Variants in FRAS1 observed in about 807,000 individuals in gnomAD.
The protein encoded by FRAS1 is Fraser extracellular matrix complex subunit 1.
FRAS1 carries 290 observed loss-of-function variants against 435.2 expected under a neutral mutation model. The ratio of observed to expected loss-of-function variants is 0.67; its 90% confidence interval spans 0.61 to 0.73. The LOEUF (loss-of-function observed/expected upper bound fraction) is 0.73, where lower values mean the gene tolerates loss of function less well. FRAS1 is among the 30% of genes least tolerant of loss of function. The probability of loss-of-function intolerance (pLI) is 0.00; values close to 1 mark genes in which losing one functional copy is unlikely to be tolerated. For synonymous variants in FRAS1, 1,800 were observed against 1,851.0 expected, an observed-to-expected ratio of 0.97 and a Z score of 0.71; for missense variants, 4,860 against 5,001.5, an observed-to-expected ratio of 0.97 and a Z score of 0.85.
intron 19 of FRAS1, among the ~76,000 whole-genome samples, chr4:78,334,363 C>CT (rs1007481617): frequency 0.025 from 2,264 of 92,318 alleles, 480 homozygotes; most frequent in African/African-American, 0.077. Context: ...AACCAATTTT[C>CT]TTTTTTTTTT....
Position 78,424,375 on chromosome 4 carries a change from CT to C in FRAS1, c.4679-11del. 1 of 1,449,208 alleles carries C rather than the reference CT, an allele frequency of 6.9e-7. No individual in the cohort carries two copies. The highest frequency in any genetic ancestry group is 9.3e-7 in the Non-Finnish European group (1 of 1,077,466). The allele number at this position is 1,449,208 out of a possible 1,614,324, so 89.8% of individuals were successfully genotyped here. ...AGTGTTTAATATACTGATTGTCTCT[CT>C]TACTCTTTTAGGTCTCCCAGAATCA... On this transcript the variant is annotated splice_polypyrimidine_tract_variant and intron_variant, in intron 34 of 73. Transcript: ENST00000512123.
chr4:78,102,874 A>G (rs1470362961), intron 2 of FRAS1, among the ~76,000 whole-genome samples: 2 of 152,080 alleles, frequency 1.3e-5, no homozygotes, highest in African/African-American at 2.4e-5. Context: ...AAATGAAAAC[A>G]CCTCTAGATT....
In FRAS1 at chr4:78,448,251, A is replaced by G. The variant is rs1457532861; in HGVS notation, c.6209A>G (p.Tyr2070Cys). The change falls in exon 44 of 74, where the codon TAC becomes TGC. Residue 2070 changes from tyrosine to cysteine, a missense_variant. Physicochemically the swap from Tyr to Cys is radical, Grantham distance 194. Coordinates refer to ENST00000512123, the MANE Select transcript of FRAS1 (RefSeq NM_025074.7). ...LHVDTGRMKI[Y>C]TELPASDTPH... Reference sequence around the variant, plus strand: ...GTGGACACAGGGAGGATGAAGATCTACACAGAACTGCCTGCAAGTGACACA... The same window carrying G: ...GTGGACACAGGGAGGATGAAGATCTGCACAGAACTGCCTGCAAGTGACACA... 3 of 1,612,830 alleles carry G rather than the reference A, an allele frequency of 1.9e-6. No individual in the cohort carries two copies. Among genetic ancestry groups the G allele is most frequent in the East Asian group, 2.2e-5 (1 of 44,880 alleles).
At position 78,315,684 on chromosome 4, in the gene FRAS1, T is replaced by C. The variant is rs35030041; in HGVS notation, c.1769T>C (p.Met590Thr). 3,337 of 1,613,980 alleles carry C rather than the reference T, an allele frequency of 2.1e-3. 45 individuals are homozygous for C. In the African/African-American group the frequency reaches 0.038, roughly 18 times the overall value. Residue 590 changes from methionine (M) to threonine (T), a missense_variant, in exon 16 of 74, where the codon ATG (methionine) becomes ACG (threonine). Coordinates refer to ENST00000512123, the MANE Select transcript of FRAS1 (RefSeq NM_025074.7). ...EKTVLHDGKC[M>T]SECPGGYYAD... ...ACAGTGCTGCATGATGGGAAATGCA[T>C]GTCTGAATGCCCTGGCGGGTACTAT...
In FRAS1 at chr4:78,086,726, G is replaced by A. The variant is rs1741198175; in HGVS notation, c.108+20710G>A. Among the ~76,000 whole-genome samples the A allele has an allele frequency of 2.0e-5, 3 of 152,152 alleles. No homozygotes were observed. The South Asian group carries it at 6.2e-4, about 32-fold the overall frequency. ...ATACACCCTCCCAAGACCAAACCAGGAAGAAGTTGAATCTCTGAATAAACT... is the reference window on the plus strand; with the variant it reads ...ATACACCCTCCCAAGACCAAACCAGAAAGAAGTTGAATCTCTGAATAAACT... On this transcript the variant is annotated intron_variant, in intron 2 of 73. Coordinates refer to ENST00000512123, the MANE Select transcript of FRAS1 (RefSeq NM_025074.7).
intron 2 of FRAS1, among the ~76,000 whole-genome samples, chr4:78,088,439 A>G (rs1221432037): frequency 6.6e-6 from 1 of 151,004 alleles, no homozygotes; most frequent in African/African-American, 2.4e-5. Context: ...GGATCTAATT[A>G]AACTAAGGAG....
intron 17 of FRAS1, 79 bp from the exon 18 acceptor site, chr4:78,318,731 A>G: frequency 7.2e-7 from 1 of 1,383,338 alleles, no homozygotes; most frequent in East Asian, 2.3e-5. Flanking sequence ...AACTTTTCTA[A>G]GTGGGTTTGA....
chr4:78,115,679 A>C (rs1053821165), intron 2 of FRAS1, among the ~76,000 whole-genome samples: 12 of 151,920 alleles, frequency 7.9e-5, no homozygotes, highest in Admixed American at 3.3e-4. Context: ...GGTGATATCC[A>C]CTTTTTCATT....
rs1380252435 is a variant in FRAS1, at chr4:78,431,098, A to G, written c.4969+681A>G. 4.6e-5 allele frequency among the ~76,000 whole-genome samples: 7 copies of G among 152,330 alleles called. No individual in the cohort carries two copies. In the South Asian group the frequency reaches 1.5e-3, roughly 32 times the overall value. On this transcript the variant is annotated intron_variant, in intron 37 of 73. Transcript: ENST00000512123. ...CTGGATGCTATATGTTCTTCCAACA[A>G]TCTCTACTTTCTCAAAACCTTTGTA...
intron 38 of FRAS1, among the ~76,000 whole-genome samples, chr4:78,434,649 T>G (rs1442522462): frequency 6.6e-6 from 1 of 151,996 alleles, no homozygotes; most frequent in African/African-American, 2.4e-5. Flanking sequence ...AAATAATCTC[T>G]TGACAAAAAG....
At chr4:78,213,670 T>C (rs1346417947) in intron 2 of FRAS1, among the ~76,000 whole-genome samples, 1 of 152,220 alleles carries the variant, frequency 6.6e-6, no homozygotes, top group African/African-American at 2.4e-5. Context: ...TTTTTTTTAC[T>C]GGATTCTGTA....
intron 14 of FRAS1, among the ~76,000 whole-genome samples, chr4:78,302,305 G>A (rs556326048): frequency 7.3e-5 from 11 of 151,700 alleles, no homozygotes; most frequent in Admixed American, 2.0e-4. Flanking sequence ...GAATAATGCC[G>A]CAATAAACAT....
At chr4:78,273,420 TG>T (rs1726819867) in intron 9 of FRAS1, among the ~76,000 whole-genome samples, 1 of 152,222 alleles carries the variant, frequency 6.6e-6, no homozygotes, top group Non-Finnish European at 1.5e-5. Context: ...TTCCAGTTTT[TG>T]CCCATTCAGT....
chr4:78,420,879 C>CACAT (rs1733753045), intron 33 of FRAS1, among the ~76,000 whole-genome samples: 1 of 95,484 alleles, frequency 1.0e-5, no homozygotes. Flanking sequence ...ACTAATAGGA[C>CACAT]ATATATATAT....
intron 6 of FRAS1, among the ~76,000 whole-genome samples, chr4:78,261,485 A>G (rs73827918): frequency 0.031 from 4,738 of 152,232 alleles, 250 homozygotes; most frequent in African/African-American, 0.11. Context: ...AAACGGGAGT[A>G]GCAGGAAAAT....
intron 23 of FRAS1, among the ~76,000 whole-genome samples, chr4:78,371,415 C>T (rs996757273): frequency 6.6e-6 from 1 of 151,938 alleles, no homozygotes; most frequent in Non-Finnish European, 1.5e-5. Context: ...CGAGGGTGGC[C>T]CTGAATGGAG....
At chr4:78,075,381 C>T (rs1318289945) in intron 2 of FRAS1, among the ~76,000 whole-genome samples, 1 of 152,140 alleles carries the variant, frequency 6.6e-6, no homozygotes, top group Non-Finnish European at 1.5e-5. Context: ...CAGGAACTGA[C>T]CTTCCTGGGG....
At position 78,435,300 on chromosome 4, in the gene FRAS1, C is replaced by T. The variant is rs1318207725; in HGVS notation, c.5217+2696C>T. Among the ~76,000 whole-genome samples the T allele has an allele frequency of 3.3e-5, 5 of 152,210 alleles. No individual in the cohort carries two copies. The East Asian group carries it at 5.8e-4, about 18-fold the overall frequency. ...CAAACAAACAAAAACAAACAATGAA[C>T]ATTCTGAAAAAGAATATTAGGAGGG... On this transcript the variant is annotated intron_variant, in intron 38 of 73. Coordinates refer to ENST00000512123, the MANE Select transcript of FRAS1 (RefSeq NM_025074.7).
intron 26 of FRAS1, 72 bp from the exon 27 acceptor site, chr4:78,379,650 TAAAC>T (rs1256418526): frequency 7.0e-7 from 1 of 1,435,778 alleles, no homozygotes; most frequent in Middle Eastern, 2.4e-4. Context: ...TCTGAAAAAA[TAAAC>T]AAAATAAGGG....
Sources: gnomAD v4.1 joint callset for allele counts (sites outside exome capture counted in the v4.1 genomes callset) on GRCh38, gnomAD v4.1.1 for gene constraint, MANE v1.5 for transcripts, NCBI Gene and HGNC (gene_info 2026-07-23, HGNC 2026-07-21) for gene names.